AMMECR1: variants seen among roughly 807,000 people sequenced by gnomAD.
AMMECR1 encodes the protein AMMECR nuclear protein 1.
AMMECR1 carries 3 observed loss-of-function variants against 22.5 expected under a neutral mutation model. The ratio of observed to expected loss-of-function variants is 0.13; its 90% CI spans 0.06 to 0.35. AMMECR1 has a LOEUF of 0.35. AMMECR1 is among the 10% of genes least tolerant of loss of function. The pLI is 1.00. For synonymous variants in AMMECR1, 130 were observed against 116.7 expected (o/e 1.11, Z -0.74); for missense variants, 235 against 278.7 (o/e 0.84, Z 1.12).
At chrX:110,393,558 T>C (rs1013586907) in intron 2 of AMMECR1, among the ~76,000 whole-genome samples, 1 of 111,764 alleles carries the variant, frequency 8.9e-6, no homozygotes. Context: ...CCTGTGCTAT[T>C]TGCCATATCA....
chrX:110,368,665 G>A (rs992311702), intron 2 of AMMECR1, among the ~76,000 whole-genome samples: 1 of 111,801 alleles, frequency 8.9e-6, no homozygotes, highest in African/African-American at 3.3e-5. Flanking sequence ...GTCATTTTCT[G>A]ATATATTAAT....
At chrX:110,211,311 CA>C (rs1313826991) in intron 3 of AMMECR1, among the ~76,000 whole-genome samples, 2 of 112,387 alleles carry the variant, frequency 1.8e-5, no homozygotes, top group Non-Finnish European at 3.8e-5. Context: ...AATTCTTCTA[CA>C]AACAAAAAGT....
chrX:110,369,193 G>A (rs1473052941), intron 2 of AMMECR1, among the ~76,000 whole-genome samples: 1 of 110,777 alleles, frequency 9.0e-6, no homozygotes, highest in East Asian at 2.8e-4. Flanking sequence ...TTAACCGGGT[G>A]TGGTGGCACG....
intron 5 of AMMECR1, among the ~76,000 whole-genome samples, chrX:110,199,979 T>A: frequency 1.8e-5 from 2 of 111,392 alleles, no homozygotes; most frequent in Middle Eastern, 4.6e-3. Context: ...ATGATCAGCT[T>A]CTCTATTACA....
At chrX:110,413,255 C>A (rs185734947) in intron 2 of AMMECR1, among the ~76,000 whole-genome samples, 164 of 111,536 alleles carry the variant, frequency 1.5e-3, no homozygotes, top group African/African-American at 4.9e-3. Context: ...CTATTGTCTA[C>A]CTCCGGGCCT....
upstream of AMMECR1, among the ~76,000 whole-genome samples, chrX:110,319,258 G>A (rs1005976724): frequency 1.4e-4 from 16 of 111,668 alleles, no homozygotes; most frequent in Admixed American, 1.4e-3. Context: ...GAAATAGAAA[G>A]CGTAAGTTAT....
intron 2 of AMMECR1, among the ~76,000 whole-genome samples, chrX:110,231,244 G>C (rs183212375): frequency 8.9e-6 from 1 of 112,075 alleles, no homozygotes; most frequent in East Asian, 2.8e-4. Flanking sequence ...CACCAAGGTT[G>C]AAATGAAGCA....
chrX:110,406,236 T>G (rs1425793291), intron 2 of AMMECR1, among the ~76,000 whole-genome samples: 2 of 110,205 alleles, frequency 1.8e-5, no homozygotes, highest in Non-Finnish European at 3.8e-5. Flanking sequence ...TAGGTATTTC[T>G]CCTAATGCTA....
At position 110,317,854 on chromosome X, in the gene AMMECR1, G is replaced by T. The variant is rs778887966; in HGVS notation, c.218C>A (p.Pro73His). ...CCCGCCGCCGCCGCCGCAGCCCTGG[G>T]GGGGAGAGAGGGTACAGCCGCTGCC... ...GSGSGCTLSP[P>H]QGCGGGGGGI... Residue 73 changes from proline to histidine, a missense_variant, in exon 1 of 6, where the codon CCC becomes CAC. By Grantham distance (77) the Pro-to-His change is moderately conservative. Transcript: ENST00000262844. 4.9e-5 allele frequency: 57 copies of T among 1,172,721 alleles called. No individual in the cohort carries two copies. The African/African-American group carries it at 6.6e-4, about 14-fold the overall frequency.
At chrX:110,292,186 G>T (rs1006670797) in intron 1 of AMMECR1, among the ~76,000 whole-genome samples, 1 of 112,289 alleles carries the variant, frequency 8.9e-6, no homozygotes. Flanking sequence ...AAAGAACCAG[G>T]AAGTTGCAGG....
At chrX:110,213,426 T>C (rs1168463865) in intron 3 of AMMECR1, among the ~76,000 whole-genome samples, 1 of 112,817 alleles carries the variant, frequency 8.9e-6, no homozygotes, top group East Asian at 2.8e-4. Context: ...ATTCATGTTG[T>C]AGCATGTATT....
intron 1 of AMMECR1, among the ~76,000 whole-genome samples, chrX:110,299,830 C>T (rs2067956327): frequency 8.9e-6 from 1 of 111,883 alleles, no homozygotes; most frequent in African/African-American, 3.2e-5. Context: ...TTTCACTTAG[C>T]ATAATGTTTT....
At position 110,256,095 on chromosome X, in the gene AMMECR1, T is replaced by C. The variant is rs778526244; in HGVS notation, c.584+8394A>G. Among the ~76,000 whole-genome samples, 10 of 112,010 alleles carry C rather than the reference T, an allele frequency of 8.9e-5. No homozygotes were observed. In the East Asian group the frequency reaches 2.2e-3, roughly 25 times the overall value. ...CAATTTCATTGTTGTGTGAACGTCA[T>C]AGAGTGTATTTACACAAACATAGAT... On this transcript the variant is annotated intron_variant, in intron 2 of 5. Transcript: ENST00000262844.
chrX:110,233,484 C>T (rs1048947131), intron 2 of AMMECR1, among the ~76,000 whole-genome samples: 11 of 111,969 alleles, frequency 9.8e-5, no homozygotes, highest in African/African-American at 2.3e-4. Context: ...TCATCTTATG[C>T]GGTCAACATC....
chrX:110,372,290 T>C (rs1297570067), intron 2 of AMMECR1, among the ~76,000 whole-genome samples: 2 of 112,759 alleles, frequency 1.8e-5, no homozygotes, highest in Non-Finnish European at 3.7e-5. Context: ...TTTCAAATTA[T>C]TTGATTTTAA....
chrX:110,331,077 C>A (rs1413140592), intron 2 of AMMECR1, among the ~76,000 whole-genome samples: 2 of 109,066 alleles, frequency 1.8e-5, no homozygotes, highest in African/African-American at 3.3e-5. Context: ...GAGGACCTCT[C>A]TTCTCCTTTG....
Position 110,310,640 on chromosome X carries a change from C to T in AMMECR1, c.473+6959G>A, listed in dbSNP as rs575211434. The stretch of plus-strand genomic sequence containing the variant: ...TTCTGAGCACAAGAATAGCTAGGCA[C>T]AGAGCCAAGAAAAGAAGAGGCAATG... On this transcript the variant is annotated intron_variant, in intron 1 of 5. Transcript: ENST00000262844. Among the ~76,000 whole-genome samples, 14 of 112,057 alleles carry T rather than the reference C, an allele frequency of 1.2e-4. No homozygotes were observed. The South Asian group carries it at 2.6e-3, about 21-fold the overall frequency.
At chrX:110,216,708 G>T in intron 2 of AMMECR1, 76 bp from the exon 3 acceptor site, 1 of 647,342 alleles carries the variant, frequency 1.5e-6, no homozygotes, top group Non-Finnish European at 2.4e-6. Flanking sequence ...ACAATTGTTT[G>T]AAAAAGGTAA....
At chrX:110,254,492 C>T (rs1358064839) in intron 2 of AMMECR1, among the ~76,000 whole-genome samples, 1 of 111,272 alleles carries the variant, frequency 9.0e-6, no homozygotes, top group East Asian at 2.8e-4. Flanking sequence ...AACTTCTTAT[C>T]CATTCTGTGT....
Sources: gnomAD v4.1 joint callset for allele counts (sites outside exome capture counted in the v4.1 genomes callset) on GRCh38, gnomAD v4.1.1 for gene constraint, MANE v1.5 for transcripts, NCBI Gene and HGNC (gene_info 2026-07-23, HGNC 2026-07-21) for gene names.